The following CDRT4 variants were observed in gnomAD, a reference collection of about 807,000 sequenced individuals.
CDRT4 encodes the protein CMT1A duplicated region transcript 4 protein.
For synonymous variants in CDRT4, 64 were observed against 69.6 expected (o/e 0.92, Z 0.40); for missense variants, 167 against 193.1 (o/e 0.87, Z 0.80).
intron 1 of CDRT4, among the ~76,000 whole-genome samples, chr17:15,463,888 T>C (rs1199567324): frequency 6.6e-6 from 1 of 152,054 alleles, no homozygotes; most frequent in African/African-American, 2.4e-5. Flanking sequence ...CAGGGATCAG[T>C]AGCTGGTGGG....
chr17:15,440,823 A>T lies in CDRT4; in HGVS notation c.-47-538T>A, dbSNP rs551585508. ...GCTCTATGCAACCATGCAGGGGGGA[A>T]ATCTGATGGAAACCATAGTGTAGTG... On this transcript the variant is annotated intron_variant, in intron 2 of 3. Coordinates refer to ENST00000619038, the MANE Select transcript of CDRT4 (RefSeq NM_001204477.2). Among the ~76,000 whole-genome samples, 5 of 152,300 alleles carry T rather than the reference A, an allele frequency of 3.3e-5. No individual in the cohort carries two copies. In the South Asian group the frequency reaches 6.2e-4, roughly 19 times the overall value.
intron 2 of CDRT4, among the ~76,000 whole-genome samples, chr17:15,448,140 C>T (rs541530763): frequency 3.9e-5 from 6 of 152,308 alleles, no homozygotes; most frequent in Non-Finnish European, 1.5e-5. Flanking sequence ...GGACTGCGCT[C>T]AATCAATGGG....
intron 1 of CDRT4, among the ~76,000 whole-genome samples, chr17:15,466,958 G>T (rs1053895655): frequency 1.3e-5 from 2 of 152,118 alleles, no homozygotes; most frequent in Admixed American, 6.5e-5. Context: ...TTTTTTAAAG[G>T]TATTTACCAG....
At chr17:15,455,780 T>C (rs1158640213) in intron 1 of CDRT4, among the ~76,000 whole-genome samples, 1 of 152,164 alleles carries the variant, frequency 6.6e-6, no homozygotes, top group Non-Finnish European at 1.5e-5. Flanking sequence ...CCAATATCCA[T>C]GTGAGTGAAT....
chr17:15,445,280 G>A (rs946378504), intron 2 of CDRT4, among the ~76,000 whole-genome samples: 1 of 152,146 alleles, frequency 6.6e-6, no homozygotes, highest in Admixed American at 6.5e-5. Flanking sequence ...GGCAAAAGCT[G>A]CCCTATAAAG....
rs755542741 is a variant in CDRT4, at chr17:15,464,220, G to A, written c.-130+3240C>T. ...GGGGATAGGGCCAGGGATGGGGATG[G>A]AGATGCCAATGGGTAGATGTGGAGA... On this transcript the variant is annotated intron_variant, in intron 1 of 3. Transcript: ENST00000619038. This position sits in a 1 kb window ranked among gnomAD's most constrained non-coding sequence, Gnocchi z 4.5. Among the ~76,000 whole-genome samples the A allele has an allele frequency of 1.3e-5, 2 of 152,140 alleles. No homozygotes were observed. Among genetic ancestry groups the A allele is most frequent in the Non-Finnish European group, 2.9e-5 (2 of 68,030 alleles).
intron 3 of CDRT4, 29 bp downstream of exon 3, chr17:15,440,179 G>C (rs1047164375): frequency 6.2e-7 from 1 of 1,612,474 alleles, no homozygotes; most frequent in African/African-American, 1.3e-5. Flanking sequence ...CAGTGCAGGA[G>C]CTTCCACTGG....
At chr17:15,439,953 G>A (rs1232960335) in intron 3 of CDRT4, among the ~76,000 whole-genome samples, 1 of 152,052 alleles carries the variant, frequency 6.6e-6, no homozygotes. Flanking sequence ...GTGGGGAGAG[G>A]GGGGAGGGAT....
At chr17:15,445,716 C>A (rs1978993530) in intron 2 of CDRT4, among the ~76,000 whole-genome samples, 1 of 152,056 alleles carries the variant, frequency 6.6e-6, no homozygotes, top group Admixed American at 6.5e-5. Context: ...CAAAACTGTC[C>A]CTATGCAGAA....
At chr17:15,462,702 T>C (rs1979812344) in intron 1 of CDRT4, among the ~76,000 whole-genome samples, 1 of 152,150 alleles carries the variant, frequency 6.6e-6, no homozygotes. Flanking sequence ...ATGAGTCGAT[T>C]TACATAAAGT....
chr17:15,448,534 C>CCT (rs2150790418), intron 2 of CDRT4, among the ~76,000 whole-genome samples: 1 of 152,232 alleles, frequency 6.6e-6, no homozygotes, highest in African/African-American at 2.4e-5. Flanking sequence ...AGACACACAC[C>CCT]CTCTCTCCCT....
At position 15,461,823 on chromosome 17, in the gene CDRT4, G is replaced by A. The variant is rs527850114; in HGVS notation, c.-130+5637C>T. Among the ~76,000 whole-genome samples, 7 of 152,218 alleles carry A rather than the reference G, an allele frequency of 4.6e-5. No homozygotes were observed. The East Asian group carries it at 1.3e-3, about 29-fold the overall frequency. On this transcript the variant is annotated intron_variant, in intron 1 of 3. Coordinates refer to ENST00000619038, the MANE Select transcript of CDRT4 (RefSeq NM_001204477.2). ...TCAGTAGGTACTTCTTGGAGGAGCT[G>A]GAACCTAGGTTTCATTTTGAATAAT...
At position 15,438,452 on chromosome 17, in the gene CDRT4, T is replaced by C. The variant is rs561559078; in HGVS notation, c.32-252A>G. Among the ~76,000 whole-genome samples the C allele has an allele frequency of 4.6e-4, 70 of 152,312 alleles. 2 individuals are homozygous for C. In the South Asian group the frequency reaches 9.1e-3, roughly 20 times the overall value. On this transcript the variant is annotated intron_variant, in intron 3 of 3. Transcript: ENST00000619038. ...AACAGATCTGATTGATTTTAAATAT[T>C]TGCATAACCTCAAATTGTTTTACCC...
chr17:15,437,154 A>C lies in CDRT4; in HGVS notation c.*619T>G, dbSNP rs1220253069. ...CATGGGGGTCCCCTCAGAGACACCA[A>C]CAAAACATCTCCCCTATTCAGAGGA... is the stretch of plus-strand genomic sequence containing the variant. On this transcript the variant is annotated 3_prime_UTR_variant, in exon 4 of 4. Transcript: ENST00000619038. 1 of 152,620 alleles carries C rather than the reference A, an allele frequency of 6.6e-6. No individual in the cohort carries two copies. Among genetic ancestry groups the C allele is most frequent in the Non-Finnish European group, 1.5e-5 (1 of 68,392 alleles). The allele number at this position is 152,620 out of a possible 1,614,324, so 9.5% of individuals were successfully genotyped here.
chr17:15,437,889 T>A lies in CDRT4; in HGVS notation c.343A>T (p.Ile115Phe). The change falls in exon 4 of 4, where the codon ATC (isoleucine) becomes TTC (phenylalanine). Residue 115 changes from isoleucine (I) to phenylalanine (F), a missense_variant. Coordinates refer to ENST00000619038, the MANE Select transcript of CDRT4 (RefSeq NM_001204477.2). ...GCATGTAAGTGTGTGGGTTCTGGGA[T>A]CATGGTAGGAGCCATGGCCAATACC... ...YSVLAMAPTM[I>F]PEPTHLHADS... is the part of the protein sequence containing the mutation. 1.9e-6 allele frequency: 3 copies of A among 1,614,170 alleles called. No individual in the cohort carries two copies. The highest frequency in any genetic ancestry group is 2.5e-6 in the Non-Finnish European group (3 of 1,180,034).
chr17:15,441,397 C>CT (rs1016567798), intron 2 of CDRT4, among the ~76,000 whole-genome samples: 5 of 152,170 alleles, frequency 3.3e-5, no homozygotes, highest in African/African-American at 1.2e-4. Flanking sequence ...ATCTGCATCT[C>CT]TAAGTAACTC....
At chr17:15,461,544 G>GCA (rs1979750371) in intron 1 of CDRT4, among the ~76,000 whole-genome samples, 1 of 152,220 alleles carries the variant, frequency 6.6e-6, no homozygotes, top group Non-Finnish European at 1.5e-5. Context: ...GCCTTTTAAA[G>GCA]CACAGACTCC....
chr17:15,465,802 A>G (rs936484341), intron 1 of CDRT4, among the ~76,000 whole-genome samples: 16 of 152,308 alleles, frequency 1.1e-4, no homozygotes, highest in Admixed American at 1.0e-3. Flanking sequence ...GTCAGGGAAG[A>G]GGGGGAGGGA....
intron 2 of CDRT4, among the ~76,000 whole-genome samples, chr17:15,449,184 T>A (rs760344540): frequency 6.6e-6 from 1 of 152,206 alleles, no homozygotes; most frequent in Non-Finnish European, 1.5e-5. Context: ...TGCCGATTGG[T>A]CCCACGTGGA....
Sources: allele counts gnomAD v4.1 joint callset (sites outside exome capture counted in the v4.1 genomes callset), GRCh38; gene constraint gnomAD v4.1.1; non-coding constraint Gnocchi (gnomAD v3.1); transcripts MANE v1.5; gene names NCBI Gene and HGNC (gene_info 2026-07-23, HGNC 2026-07-21).